STAM2: variants seen among roughly 807,000 people sequenced by gnomAD.
STAM2 encodes signal transducing adaptor molecule 2.
STAM2 carries 51 observed loss-of-function variants against 65.6 expected under a neutral mutation model. That is an observed-to-expected ratio of 0.78 (90% CI 0.62 to 0.98). The LOEUF (loss-of-function observed/expected upper bound fraction) is 0.98. Ranked by LOEUF, STAM2 falls within the 50% of genes least tolerant of loss-of-function variation. STAM2 has a pLI of 0.00. For missense variants in STAM2, 584 were observed against 617.8 expected (o/e 0.95, Z 0.58); for synonymous variants, 198 against 208.4 (o/e 0.95, Z 0.43).
chr2:152,127,541 TAAAA>T (rs887315471), intron 11 of STAM2, among the ~76,000 whole-genome samples: 1 of 147,692 alleles, frequency 6.8e-6, no homozygotes, highest in Non-Finnish European at 1.5e-5. Flanking sequence ...AAACACTTGT[TAAAA>T]AAAAACCACA....
In STAM2 at chr2:152,152,950, T is replaced by C. The variant is rs1421811843; in HGVS notation, c.41-2721A>G. ...TATAAAGGTTTATTAAGTTGTACAG[T>C]ATGTATGTAGAAAATATTTTCAATA... On this transcript the variant is annotated intron_variant, in intron 1 of 13. Coordinates refer to ENST00000263904, the MANE Select transcript of STAM2 (RefSeq NM_005843.6). Among the ~76,000 whole-genome samples the C allele has an allele frequency of 7.9e-5, 12 of 152,318 alleles. No homozygotes were observed. The South Asian group carries it at 8.3e-4, about 11-fold the overall frequency.
chr2:152,175,490 C>A, intron 1 of STAM2, 113 bp downstream of exon 1: 2 of 1,394,358 alleles, frequency 1.4e-6, no homozygotes, highest in Non-Finnish European at 2.0e-6. Flanking sequence ...CGCCCCTCCC[C>A]TCCCTTCGCT....
chr2:152,126,398 AT>A lies in STAM2; in HGVS notation c.1026-20del. On this transcript the variant is annotated intron_variant, in intron 11 of 13. Transcript: ENST00000263904. Reference sequence around the variant, plus strand: ...ATGCTTCCTGATGTAGAAGAAAAGTATTATAATACTCTTCTAGTTTTTAGCA... The same window carrying A: ...ATGCTTCCTGATGTAGAAGAAAAGTATATAATACTCTTCTAGTTTTTAGCA... The A allele has an allele frequency of 1.4e-6, 2 of 1,457,456 alleles. No individual in the cohort carries two copies. The highest frequency in any genetic ancestry group is 1.8e-6 in the Non-Finnish European group (2 of 1,097,014). The allele number at this position is 1,457,456 out of a possible 1,614,324, so 90.3% of individuals were successfully genotyped here.
chr2:152,140,990 T>A (rs180805968), intron 7 of STAM2, among the ~76,000 whole-genome samples: 46 of 151,278 alleles, frequency 3.0e-4, no homozygotes, highest in African/African-American at 1.1e-3. Flanking sequence ...ATACAAAAAA[T>A]TAGCCGGGCA....
intron 10 of STAM2, 38 bp from the exon 11 acceptor site, chr2:152,132,206 A>C (rs1689078000): frequency 6.5e-7 from 1 of 1,542,158 alleles, no homozygotes. Context: ...TAGAAACTTA[A>C]TCCAGTTTAA....
At chr2:152,125,762 T>C (rs376885447) in intron 12 of STAM2, among the ~76,000 whole-genome samples, 2 of 152,216 alleles carry the variant, frequency 1.3e-5, no homozygotes, top group Non-Finnish European at 2.9e-5. Context: ...TTAATAATCA[T>C]GTAAGTCAAA....
chr2:152,172,618 C>T (rs1209384681), intron 1 of STAM2, among the ~76,000 whole-genome samples: 1 of 152,050 alleles, frequency 6.6e-6, no homozygotes, highest in Non-Finnish European at 1.5e-5. Flanking sequence ...CCTGTAATCT[C>T]AACACTTTGG....
intron 11 of STAM2, among the ~76,000 whole-genome samples, chr2:152,128,965 G>A (rs375201647): frequency 6.6e-6 from 1 of 152,194 alleles, no homozygotes; most frequent in African/African-American, 2.4e-5. Context: ...GTAAATAATA[G>A]TCAATAAGAA....
intron 2 of STAM2, among the ~76,000 whole-genome samples, chr2:152,148,669 A>G (rs1053024787): frequency 6.6e-6 from 1 of 152,204 alleles, no homozygotes; most frequent in South Asian, 2.1e-4. Context: ...AAAATAAAGA[A>G]AGTATAAAAT....
intron 1 of STAM2, among the ~76,000 whole-genome samples, chr2:152,158,701 GA>G (rs1389308249): frequency 2.0e-5 from 3 of 152,136 alleles, no homozygotes; most frequent in Non-Finnish European, 4.4e-5. Context: ...GTAAAGAACA[GA>G]AATTTATTTC....
chr2:152,124,007 AAAAGACTT>A lies in STAM2; in HGVS notation c.1180-80_1180-73del, dbSNP rs1237003338. On this transcript the variant is annotated intron_variant, in intron 12 of 13. Transcript: ENST00000263904. ...TGCCTAATAATATATTTAAAATGTTAAAAGACTTAAAGGAAAGAAACTATACTTCTTTG... is the reference window on the plus strand; with the variant it reads ...TGCCTAATAATATATTTAAAATGTTAAAAGGAAAGAAACTATACTTCTTTG... The A allele has an allele frequency of 7.9e-5, 101 of 1,279,784 alleles. No individual in the cohort carries two copies. The African/African-American group carries it at 1.2e-3, about 15-fold the overall frequency. 79.3% of individuals were successfully genotyped at this position (1,279,784 alleles called of 1,614,324 possible).
chr2:152,161,813 A>G (rs1418867050), intron 1 of STAM2, among the ~76,000 whole-genome samples: 1 of 151,706 alleles, frequency 6.6e-6, no homozygotes, highest in East Asian at 1.9e-4. Context: ...TACATTCTGC[A>G]TACCATTTTT....
intron 12 of STAM2, 30 bp from the exon 13 acceptor site, chr2:152,123,965 C>T (rs747316794): frequency 1.3e-6 from 2 of 1,579,206 alleles, no homozygotes; most frequent in East Asian, 2.2e-5. Flanking sequence ...AGTTGATTCA[C>T]TCATCTCCCA....
At chr2:152,171,555 T>C (rs1689899046) in intron 1 of STAM2, among the ~76,000 whole-genome samples, 1 of 152,266 alleles carries the variant, frequency 6.6e-6, no homozygotes, top group African/African-American at 2.4e-5. Context: ...GGATTTCTTA[T>C]AAAATTTCAC....
At chr2:152,157,377 T>C (rs545228960) in intron 1 of STAM2, among the ~76,000 whole-genome samples, 7 of 152,298 alleles carry the variant, frequency 4.6e-5, no homozygotes, top group African/African-American at 1.7e-4. Context: ...AGTGTGGCTG[T>C]ATTTGCAGAT....
At chr2:152,170,482 C>CA (rs111603376) in intron 1 of STAM2, among the ~76,000 whole-genome samples, 121 of 101,748 alleles carry the variant, frequency 1.2e-3, no homozygotes, top group South Asian at 3.5e-3. Context: ...GACTCCGTCT[C>CA]AAAAAAAAAA....
At chr2:152,137,066 T>C (rs1425672113) in intron 7 of STAM2, among the ~76,000 whole-genome samples, 2 of 151,946 alleles carry the variant, frequency 1.3e-5, no homozygotes, top group East Asian at 3.9e-4. Flanking sequence ...ATTTTTGTAT[T>C]TTTAGTAGAG....
intron 1 of STAM2, among the ~76,000 whole-genome samples, chr2:152,150,736 C>T (rs1340891047): frequency 6.6e-6 from 1 of 152,172 alleles, no homozygotes; most frequent in Non-Finnish European, 1.5e-5. Context: ...AGCCTATGAC[C>T]TCAAGGCTGC....
At position 152,117,081 on chromosome 2, in the gene STAM2, A is replaced by C. The variant is rs1016731457; in HGVS notation, c.*3493T>G. 3 of 152,214 alleles carry C rather than the reference A, an allele frequency of 2.0e-5. No individual in the cohort carries two copies. The allele number at this position is 152,214 out of a possible 1,614,324, so 9.4% of individuals were successfully genotyped here. On this transcript the variant is annotated 3_prime_UTR_variant, in exon 14 of 14. Coordinates refer to ENST00000263904, the MANE Select transcript of STAM2 (RefSeq NM_005843.6). ...GAAATTTGGAGGGACACTATTCACT[A>C]TATCACACAAGCAACATAATGCCTC...
Sources: gnomAD v4.1 joint callset for allele counts (sites outside exome capture counted in the v4.1 genomes callset) on GRCh38, gnomAD v4.1.1 for gene constraint, MANE v1.5 for transcripts, NCBI Gene and HGNC (gene_info 2026-07-23, HGNC 2026-07-21) for gene names.